Variants in ABI1 observed in about 807,000 individuals in gnomAD.
ABI1 encodes abl interactor 1.
In ABI1, 14 loss-of-function variants were observed where a neutral mutation model predicts 54.6. That is an observed-to-expected ratio of 0.26 (90% CI 0.17 to 0.40). The LOEUF is 0.40. Among genes scored for constraint, ABI1 ranks in the 10% least tolerant of loss-of-function variants. ABI1 has a pLI of 1.00. For synonymous variants in ABI1, 194 were observed against 209.3 expected, an observed-to-expected ratio of 0.93 and a Z score of 0.63; for missense variants, 443 against 598.3, an observed-to-expected ratio of 0.74 and a Z score of 2.71.
chr10:26,781,803 C>T (rs945257057), intron 2 of ABI1, among the ~76,000 whole-genome samples: 1 of 152,110 alleles, frequency 6.6e-6, no homozygotes, highest in African/African-American at 2.4e-5. Context: ...AGTAAGGGTC[C>T]ATTGTCTGAT....
chr10:26,831,244 A>C (rs1320378985), intron 1 of ABI1, among the ~76,000 whole-genome samples: 1 of 152,122 alleles, frequency 6.6e-6, no homozygotes, highest in Non-Finnish European at 1.5e-5. Flanking sequence ...TCCAAAAAAA[A>C]AAAATACAAA....
chr10:26,765,220 G>A lies in ABI1; in HGVS notation c.818C>T (p.Pro273Leu), dbSNP rs776813895. The stretch of plus-strand genomic sequence containing the variant: ...ACATAGATTAATAAATAACACACCT[G>A]GTCCAATAGTGGGTGGCGAAGGTGT... ...VPTPSPPTIG[P>L]AAPGSAPGSQ... Residue 273 changes from proline to leucine, a missense_variant and splice_region_variant, in exon 7 of 11, where the codon CCA becomes CTA. By Grantham distance (98) the Pro-to-Leu change is moderately conservative. Around this residue, in one of 2 missense-constraint regions of ABI1, gnomAD observed 394 missense variants for 484.8 expected, o/e 0.81. Transcript: ENST00000376140. 1.9e-6 allele frequency: 3 copies of A among 1,595,706 alleles called. No individual in the cohort carries two copies. Among genetic ancestry groups the A allele is most frequent in the Non-Finnish European group, 2.6e-6 (3 of 1,170,452 alleles).
chr10:26,809,765 T>G (rs973084139), intron 2 of ABI1, among the ~76,000 whole-genome samples: 8 of 152,162 alleles, frequency 5.3e-5, no homozygotes, highest in Non-Finnish European at 1.2e-4. Flanking sequence ...CTAGCCCTGA[T>G]AAAACTCTAG....
intron 3 of ABI1, among the ~76,000 whole-genome samples, chr10:26,773,170 A>T (rs891090875): frequency 6.8e-6 from 1 of 147,696 alleles, no homozygotes; most frequent in Non-Finnish European, 1.5e-5. Context: ...TTCTAAGTAC[A>T]TCATAGTTTT....
Position 26,751,597 on chromosome 10 carries a change from C to A in ABI1, c.1270+1G>T. Reference sequence around the variant, plus strand: ...ACATCAACTCAATGACTGTACCTTACCTTTCTCAATATAATTCTTGGGGGC... The same window carrying A: ...ACATCAACTCAATGACTGTACCTTAACTTTCTCAATATAATTCTTGGGGGC... On this transcript the variant is annotated splice_donor_variant, in intron 10 of 10. Transcript: ENST00000376140. LOFTEE classifies it high-confidence loss of function. 1 of 1,610,654 alleles carries A rather than the reference C, an allele frequency of 6.2e-7. No homozygotes were observed. The highest frequency in any genetic ancestry group is 8.5e-7 in the Non-Finnish European group (1 of 1,178,764).
chr10:26,802,408 T>C (rs2046620308), intron 2 of ABI1, among the ~76,000 whole-genome samples: 1 of 152,146 alleles, frequency 6.6e-6, no homozygotes, highest in Non-Finnish European at 1.5e-5. Flanking sequence ...TGCTTTAGAA[T>C]TTCACCGACT....
At chr10:26,754,951 AC>A (rs886826515) in intron 9 of ABI1, among the ~76,000 whole-genome samples, 1 of 110,080 alleles carries the variant, frequency 9.1e-6, no homozygotes, top group African/African-American at 4.7e-5. Context: ...CTCCCCCCCC[AC>A]AAAAAAAAAT....
chr10:26,816,666 T>TAAAACATTCG (rs920588096), intron 2 of ABI1, among the ~76,000 whole-genome samples: 4 of 152,248 alleles, frequency 2.6e-5, no homozygotes, highest in African/African-American at 9.6e-5. Context: ...ATACCTCGAA[T>TAAAACATTCG]GTTTTACATT....
At chr10:26,848,200 C>CAAAAAAAAAAAAA (rs149066426) in intron 1 of ABI1, among the ~76,000 whole-genome samples, 8 of 78,682 alleles carry the variant, frequency 1.0e-4, no homozygotes, top group African/African-American at 2.4e-4. Context: ...GACCCTGTCT[C>CAAAAAAAAAAAAA]AAAAAAAAAA....
At chr10:26,834,920 T>C (rs545537819) in intron 1 of ABI1, among the ~76,000 whole-genome samples, 58 of 151,934 alleles carry the variant, frequency 3.8e-4, no homozygotes, top group African/African-American at 1.4e-3. Context: ...CTGGCCAACA[T>C]GGTGAAATCC....
At chr10:26,837,812 C>A (rs367686285) in intron 1 of ABI1, among the ~76,000 whole-genome samples, 33,134 of 141,276 alleles carry the variant, frequency 0.23, 4,472 homozygotes, top group South Asian at 0.41. Context: ...ACAGGGTTTC[C>A]TCATGTTGCC....
intron 1 of ABI1, among the ~76,000 whole-genome samples, chr10:26,835,051 T>G (rs926829795): frequency 3.2e-5 from 4 of 124,722 alleles, no homozygotes; most frequent in Non-Finnish European, 6.3e-5. Flanking sequence ...GCAGTGCCAC[T>G]GCACTCCAAT....
At chr10:26,767,867 T>C (rs1057256981) in intron 6 of ABI1, among the ~76,000 whole-genome samples, 4 of 151,362 alleles carry the variant, frequency 2.6e-5, no homozygotes, top group African/African-American at 9.7e-5. Context: ...GGCAACATGG[T>C]GAAACCTCAT....
At chr10:26,809,328 T>C (rs1011653631) in intron 2 of ABI1, among the ~76,000 whole-genome samples, 3 of 149,898 alleles carry the variant, frequency 2.0e-5, no homozygotes, top group Non-Finnish European at 3.0e-5. Context: ...GACACCAAGA[T>C]AGAAGGATCA....
chr10:26,766,390 C>T (rs780206640), intron 6 of ABI1, among the ~76,000 whole-genome samples: 1 of 152,180 alleles, frequency 6.6e-6, no homozygotes, highest in Non-Finnish European at 1.5e-5. Flanking sequence ...TATTTGTGCA[C>T]ATGCAGCCTT....
chr10:26,810,172 T>C (rs116065823), intron 2 of ABI1, among the ~76,000 whole-genome samples: 3,086 of 152,218 alleles, frequency 0.02, 76 homozygotes, highest in African/African-American at 0.065. Context: ...ACTAACTCTG[T>C]GTGATCAGTG....
At chr10:26,786,086 T>A (rs912845473) in intron 2 of ABI1, among the ~76,000 whole-genome samples, 5 of 152,162 alleles carry the variant, frequency 3.3e-5, no homozygotes, top group Non-Finnish European at 7.4e-5. Flanking sequence ...AAAAAACTGT[T>A]TTTATAGTGA....
intron 2 of ABI1, among the ~76,000 whole-genome samples, chr10:26,790,843 T>A (rs1843335261): frequency 6.6e-6 from 1 of 151,886 alleles, no homozygotes; most frequent in African/African-American, 2.4e-5. Flanking sequence ...CCAAGGAGGA[T>A]GGATCATTTG....
chr10:26,813,074 C>A (rs1238018618), intron 2 of ABI1, among the ~76,000 whole-genome samples: 1 of 151,994 alleles, frequency 6.6e-6, no homozygotes, highest in Non-Finnish European at 1.5e-5. Context: ...CATGGTGAAA[C>A]CCCGTCTCTA....
Sources: gnomAD v4.1 joint callset for allele counts (sites outside exome capture counted in the v4.1 genomes callset) on GRCh38, gnomAD v4.1.1 for gene constraint, gnomAD v4.1.1 regional missense constraint, MANE v1.5 for transcripts, NCBI Gene and HGNC (gene_info 2026-07-23, HGNC 2026-07-21) for gene names.